USH1C: variants seen among roughly 807,000 people sequenced by gnomAD.
USH1C encodes the protein harmonin.
A neutral mutation model predicts 119.3 loss-of-function variants in USH1C; 90 were observed. The ratio of observed to expected loss-of-function variants is 0.75; its 90% CI spans 0.64 to 0.90. The LOEUF (loss-of-function observed/expected upper bound fraction) is 0.90. Ranked by LOEUF, USH1C falls within the 40% of genes least tolerant of loss-of-function variation. The pLI is 0.00. For synonymous variants in USH1C, 465 were observed against 443.3 expected, an observed-to-expected ratio of 1.05 and a Z score of -0.62; for missense variants, 1,165 against 1,167.7, an observed-to-expected ratio of 1.00 and a Z score of 0.03.
chr11:17,531,150 T>C lies in USH1C; in HGVS notation c.387+4A>G. 2.5e-6 allele frequency: 4 copies of C among 1,614,042 alleles called. No homozygotes were observed. The highest frequency in any genetic ancestry group is 3.4e-6 in the Non-Finnish European group (4 of 1,180,014). ...TCCCCCTCCCCCGGACTCTGTTTGC[T>C]CACCTGGAGCCCGACGCTGTCTGCC... On this transcript the variant is annotated splice_donor_region_variant and intron_variant, in intron 4 of 26. Coordinates refer to ENST00000005226, the MANE Select transcript of USH1C (RefSeq NM_153676.4). This position sits in a 1 kb window ranked among gnomAD's most constrained non-coding sequence, Gnocchi z 4.2.
intron 4 of USH1C, among the ~76,000 whole-genome samples, chr11:17,529,527 A>T (rs182306706): frequency 6.6e-6 from 1 of 152,262 alleles, no homozygotes; most frequent in East Asian, 1.9e-4. Context: ...AGAAGCATGA[A>T]CCCCAGACAG....
chr11:17,533,254 C>G lies in USH1C; in HGVS notation c.104+1G>C. ...ACAAGAGCTGGACCCAGCACACTTACTGGTGGTACATTCGCAGCACATCAT... is the reference window on the plus strand; with the variant it reads ...ACAAGAGCTGGACCCAGCACACTTAGTGGTGGTACATTCGCAGCACATCAT... On this transcript the variant is annotated splice_donor_variant, in intron 2 of 26. Transcript: ENST00000005226. LOFTEE classifies it high-confidence loss of function. 6.2e-7 allele frequency: 1 copy of G among 1,613,374 alleles called. No individual in the cohort carries two copies. Among genetic ancestry groups the G allele is most frequent in the Non-Finnish European group, 8.5e-7 (1 of 1,179,308 alleles).
In USH1C at chr11:17,502,620, T is replaced by C. The variant is rs2133791147; in HGVS notation, c.2185-640A>G. On this transcript the variant is annotated intron_variant, in intron 20 of 26. Coordinates refer to ENST00000005226, the MANE Select transcript of USH1C (RefSeq NM_153676.4). The stretch of plus-strand genomic sequence containing the variant: ...GATTCTGCGGAGCGCAGGTTGGCCC[T>C]TTAGCTAGGGGAGAAGGGAGGACAC... Among the ~76,000 whole-genome samples the C allele has an allele frequency of 2.0e-5, 3 of 152,298 alleles. 1 individual carries two copies. In the South Asian group the frequency reaches 6.2e-4, roughly 32 times the overall value.
rs1406224812 is a variant in USH1C, at chr11:17,512,025, A to G, written c.1290T>C (p.Tyr430=). The G allele has an allele frequency of 1.2e-6, 2 of 1,614,224 alleles. No individual in the cohort carries two copies. Among genetic ancestry groups the G allele is most frequent in the Admixed American group, 1.7e-5 (1 of 60,026 alleles). The part of the protein sequence containing the change: ...KKGKDKKKAK[Y]GSLQDLRKNK... ...TCTTTCTCAAGTCCTGCAGGCTGCC[A>G]TACTTGGCTTTCTTCTTATCTTTTC... Residue 430 remains tyrosine, a synonymous_variant, in exon 16 of 27, where the codon TAT becomes TAC. Coordinates refer to ENST00000005226, the MANE Select transcript of USH1C (RefSeq NM_153676.4).
At chr11:17,538,189 C>G (rs1250214306) in intron 1 of USH1C, among the ~76,000 whole-genome samples, 2 of 152,194 alleles carry the variant, frequency 1.3e-5, no homozygotes, top group Admixed American at 1.3e-4. Context: ...CCCTGCTACC[C>G]CCTGCCCCTG....
chr11:17,501,429 G>A (rs1849440131), intron 22 of USH1C, 53 bp downstream of exon 22: 1 of 1,587,154 alleles, frequency 6.3e-7, no homozygotes, highest in East Asian at 2.3e-5. Flanking sequence ...CAAGGGAGGA[G>A]GGGCAGGCAC....
intron 22 of USH1C, 63 bp from the exon 23 acceptor site, chr11:17,501,213 C>A: frequency 1.5e-6 from 2 of 1,351,518 alleles, no homozygotes; most frequent in South Asian, 2.4e-5. Context: ...CACCTGGGCA[C>A]CAAGGAGTCT....
intron 14 of USH1C, chr11:17,517,392 G>T (rs1017767290): frequency 6.4e-7 from 1 of 1,574,310 alleles, no homozygotes; most frequent in Non-Finnish European, 8.6e-7. Flanking sequence ...GCAAAGCGGG[G>T]ACGCGAACCT....
intron 23 of USH1C, 47 bp from the exon 24 acceptor site, chr11:17,498,318 G>A (rs771029915): frequency 1.0e-5 from 16 of 1,568,520 alleles, no homozygotes; most frequent in South Asian, 5.5e-5. Flanking sequence ...TATGTGACAC[G>A]TGCCTGGCCC....
chr11:17,495,221 G>T, intron 26 of USH1C: 1 of 359,186 alleles, frequency 2.8e-6, no homozygotes. Context: ...CCACATGCCT[G>T]GTTCGAGGCA....
chr11:17,527,016 C>G lies in USH1C; in HGVS notation c.521G>C (p.Ser174Thr). The G allele has an allele frequency of 6.4e-7, 1 of 1,562,816 alleles. No homozygotes were observed. Among genetic ancestry groups the G allele is most frequent in the Non-Finnish European group, 8.7e-7 (1 of 1,152,572 alleles). Residue 174 changes from serine to threonine, a missense_variant and splice_region_variant, in exon 6 of 27, where the codon AGC becomes ACC. Coordinates refer to ENST00000005226, the MANE Select transcript of USH1C (RefSeq NM_153676.4). Reference protein sequence around the residue: ...VRHIGLIPVKSSPDEPLTWQY... With the variant: ...VRHIGLIPVKTSPDEPLTWQY... ...GGCCTGCAGAGGAGGGGCCTCTCACCTTTTCACGGGGATCAGGCCGATGTC... is the reference window on the plus strand; with the variant it reads ...GGCCTGCAGAGGAGGGGCCTCTCACGTTTTCACGGGGATCAGGCCGATGTC...
At chr11:17,499,198 G>A (rs763093747) in intron 23 of USH1C, among the ~76,000 whole-genome samples, 8 of 152,292 alleles carry the variant, frequency 5.3e-5, no homozygotes, top group Non-Finnish European at 1.0e-4. Context: ...CAGTCCTGAT[G>A]TCCACAGAAC....
chr11:17,535,936 C>T (rs1432988277), intron 1 of USH1C, among the ~76,000 whole-genome samples: 2 of 152,184 alleles, frequency 1.3e-5, no homozygotes, highest in Non-Finnish European at 2.9e-5. Context: ...GCCACGATGA[C>T]CATTGATTGT....
At chr11:17,534,924 C>A (rs1271379467) in intron 1 of USH1C, among the ~76,000 whole-genome samples, 1 of 150,088 alleles carries the variant, frequency 6.7e-6, no homozygotes, top group Non-Finnish European at 1.5e-5. Context: ...ATGGAAGCAT[C>A]TGCTTGAGTG....
chr11:17,501,420 A>C, intron 22 of USH1C, 62 bp downstream of exon 22: 4 of 1,571,368 alleles, frequency 2.5e-6, no homozygotes, highest in Non-Finnish European at 3.5e-6. Flanking sequence ...GCAGGAGACC[A>C]AGGGAGGAGG....
At chr11:17,507,746 C>A (rs1400500132) in intron 18 of USH1C, among the ~76,000 whole-genome samples, 2 of 152,224 alleles carry the variant, frequency 1.3e-5, no homozygotes, top group South Asian at 2.1e-4. Flanking sequence ...AGGATTCAAA[C>A]CCAGGCAGGC....
In USH1C at chr11:17,504,649, G is replaced by C; in HGVS notation, c.2182C>G (p.Gln728Glu). ...RMVVYQTAFR[Q>E]DFRKYEEGFD... Reference sequence around the variant, plus strand: ...ACACACAATGGGTATCAGTTTACTTGTCTGAATGCTGTCTGATAAACCACC... The same window carrying C: ...ACACACAATGGGTATCAGTTTACTTCTCTGAATGCTGTCTGATAAACCACC... The change falls in exon 20 of 27, where the codon CAA becomes GAA. Residue 728 changes from glutamine (Q) to glutamate (E), a missense_variant and splice_region_variant. Gln to Glu is a conservative substitution (Grantham distance 29). Transcript: ENST00000005226. 1 of 1,614,028 alleles carries C rather than the reference G, an allele frequency of 6.2e-7. No individual in the cohort carries two copies. Among genetic ancestry groups the C allele is most frequent in the Non-Finnish European group, 8.5e-7 (1 of 1,179,986 alleles).
chr11:17,534,657 C>T (rs912650303), intron 1 of USH1C, among the ~76,000 whole-genome samples: 1 of 152,144 alleles, frequency 6.6e-6, no homozygotes, highest in African/African-American at 2.4e-5. Context: ...GGCAGATCAC[C>T]TGAGATCAGG....
chr11:17,538,766 C>T (rs141776160), intron 1 of USH1C, among the ~76,000 whole-genome samples: 40 of 152,210 alleles, frequency 2.6e-4, no homozygotes, highest in East Asian at 1.7e-3. Flanking sequence ...AGATGAGAGG[C>T]GTGGGGAGAC....
Sources: gnomAD v4.1 joint callset for allele counts (sites outside exome capture counted in the v4.1 genomes callset) on GRCh38, gnomAD v4.1.1 for gene constraint, Gnocchi (gnomAD v3.1) non-coding constraint, MANE v1.5 for transcripts, NCBI Gene and HGNC (gene_info 2026-07-23, HGNC 2026-07-21) for gene names.